Variants in SLC20A1 observed in about 807,000 individuals in gnomAD.
The protein encoded by SLC20A1 is solute carrier family 20 member 1.
SLC20A1 carries 28 observed loss-of-function variants against 62.7 expected under a neutral mutation model. That is an observed-to-expected ratio of 0.45 (90% confidence interval 0.33 to 0.61). The LOEUF (loss-of-function observed/expected upper bound fraction) is 0.61. Among genes scored for constraint, SLC20A1 ranks in the 20% least tolerant of loss-of-function variants. The pLI is 0.02. For synonymous variants in SLC20A1, 305 were observed against 302.9 expected (o/e 1.01, Z -0.07); for missense variants, 673 against 838.6 (o/e 0.80, Z 2.44).
chr2:112,663,709 A>G lies in SLC20A1; in HGVS notation c.*684A>G, dbSNP rs1379741177. 6.5e-6 allele frequency: 1 copy of G among 153,926 alleles called. No homozygotes were observed. The highest frequency in any genetic ancestry group is 1.4e-5 in the Non-Finnish European group (1 of 69,030). The allele number at this position is 153,926 out of a possible 1,614,324, so 9.5% of individuals were successfully genotyped here. A position where few individuals can be genotyped will look rare whatever the true frequency, so the allele number is the denominator to read the frequency against. Reference sequence around the variant, plus strand: ...TGGTTATTTCTTTAAGATTTCTGGCAGTGTGGGATGGATGAATGAAGTGGA... The same window carrying G: ...TGGTTATTTCTTTAAGATTTCTGGCGGTGTGGGATGGATGAATGAAGTGGA... On this transcript the variant is annotated 3_prime_UTR_variant, in exon 11 of 11. Coordinates refer to ENST00000272542, the MANE Select transcript of SLC20A1 (RefSeq NM_005415.5).
chr2:112,653,984 G>T (rs893359447), intron 5 of SLC20A1, among the ~76,000 whole-genome samples: 1 of 152,020 alleles, frequency 6.6e-6, no homozygotes, highest in Admixed American at 6.6e-5. Flanking sequence ...TAGAGACGGG[G>T]TTTCTCCATG....
At chr2:112,646,484 C>T (rs532610388) in intron 1 of SLC20A1, 79 bp from the exon 2 acceptor site, 9 of 152,780 alleles carry the variant, frequency 5.9e-5, no homozygotes, top group African/African-American at 2.2e-4. Context: ...TGCGGGACCC[C>T]GGGCGCGTGG....
rs1686792099 is a variant in SLC20A1 at position 112,662,979 on chromosome 2, G to A, written c.1994G>A (p.Ser665Asn). 2 of 1,614,174 alleles carry A rather than the reference G, an allele frequency of 1.2e-6. No individual in the cohort carries two copies. Among genetic ancestry groups the A allele is most frequent in the Non-Finnish European group, 1.7e-6 (2 of 1,180,026 alleles). ...FVTVPISGVI[S>N]AAIMAIFRYV... ...ACAGTCCCCATTTCTGGAGTTATCA[G>A]TGCTGCCATCATGGCAATCTTCAGA... Residue 665 changes from serine to asparagine, a missense_variant, in exon 11 of 11, where the codon AGT (serine) becomes AAT (asparagine). By Grantham distance (46) the Ser-to-Asn change is conservative. Coordinates refer to ENST00000272542, the MANE Select transcript of SLC20A1 (RefSeq NM_005415.5).
intron 4 of SLC20A1, among the ~76,000 whole-genome samples, chr2:112,650,718 G>A (rs56945907): frequency 1.7e-4 from 26 of 151,976 alleles, no homozygotes; most frequent in African/African-American, 6.0e-4. Context: ...TGACCTCCCA[G>A]GCTCAAGTGA....
At position 112,663,670 on chromosome 2, in the gene SLC20A1, C is replaced by G. The variant is rs1468051325; in HGVS notation, c.*645C>G. Reference sequence around the variant, plus strand: ...CTAAGAAGAAGTAAGAAAGAAAAAGCCTGTTGGCAATCTTGGTTATTTCTT... The same window carrying G: ...CTAAGAAGAAGTAAGAAAGAAAAAGGCTGTTGGCAATCTTGGTTATTTCTT... On this transcript the variant is annotated 3_prime_UTR_variant, in exon 11 of 11. Transcript: ENST00000272542. 1 of 153,952 alleles carries G rather than the reference C, an allele frequency of 6.5e-6. No homozygotes were observed. Among genetic ancestry groups the G allele is most frequent in the Non-Finnish European group, 1.4e-5 (1 of 69,068 alleles). The allele number at this position is 153,952 out of a possible 1,614,324, so 9.5% of individuals were successfully genotyped here.
chr2:112,646,864 C>T lies in SLC20A1; in HGVS notation c.36C>T (p.Thr12=), dbSNP rs768319678. ...TGATTACCAGTACTACAGCTGCTAC[C>T]GCCGCTTCTGGTCCTTTGGTGGACT... ...ATLITSTTAA[T]AASGPLVDYL... is the part of the protein sequence containing the mutation. Residue 12 remains threonine (T), a synonymous_variant, in exon 2 of 11, where the codon ACC becomes ACT. Transcript: ENST00000272542. The T allele has an allele frequency of 3.8e-5, 62 of 1,613,274 alleles. No homozygotes were observed. Among genetic ancestry groups the T allele is most frequent in the Non-Finnish European group, 5.2e-5 (61 of 1,179,448 alleles).
At position 112,652,775 on chromosome 2, in the gene SLC20A1, C is replaced by T; in HGVS notation, c.635C>T (p.Ser212Phe). ...YACTVGINLF[S>F]IMYTGAPLLG... ...TGCACAGTTGGAATAAACCTCTTTTCCATCATGTATACTGGAGCACCGTGT... is the reference window on the plus strand; with the variant it reads ...TGCACAGTTGGAATAAACCTCTTTTTCATCATGTATACTGGAGCACCGTGT... Residue 212 changes from serine to phenylalanine, a missense_variant, in exon 5 of 11, where the codon TCC becomes TTC. Physicochemically the swap from Ser to Phe is radical, Grantham distance 155. Transcript: ENST00000272542. 6 of 1,614,038 alleles carry T rather than the reference C, an allele frequency of 3.7e-6. No homozygotes were observed. The highest frequency in any genetic ancestry group is 5.1e-6 in the Non-Finnish European group (6 of 1,179,928).
chr2:112,658,981 T>G lies in SLC20A1; in HGVS notation c.935T>G (p.Val312Gly). The change falls in exon 7 of 11, where the codon GTG becomes GGG. Residue 312 changes from valine to glycine, a missense_variant. Val to Gly is a moderately radical substitution (Grantham distance 109). Transcript: ENST00000272542. ...GPATVPLQAVVEERTVSFKLG... is the reference protein window; with the variant it reads ...GPATVPLQAVGEERTVSFKLG... Reference sequence around the variant, plus strand: ...GCCACTGTGCCCCTCCAGGCTGTGGTGGAGGAGAGAACAGTCTCATTCAAA... The same window carrying G: ...GCCACTGTGCCCCTCCAGGCTGTGGGGGAGGAGAGAACAGTCTCATTCAAA... 6.2e-7 allele frequency: 1 copy of G among 1,614,100 alleles called. No individual in the cohort carries two copies. The highest frequency in any genetic ancestry group is 2.2e-5 in the East Asian group (1 of 44,884).
Position 112,652,743 on chromosome 2 carries a change from C to T in SLC20A1, c.603C>T (p.Phe201=). 1 of 1,614,162 alleles carries T rather than the reference C, an allele frequency of 6.2e-7. No individual in the cohort carries two copies. The highest frequency in any genetic ancestry group is 8.5e-7 in the Non-Finnish European group (1 of 1,180,018). The change falls in exon 5 of 11, where the codon TTC becomes TTT. Residue 201 remains phenylalanine, a synonymous_variant. Coordinates refer to ENST00000272542, the MANE Select transcript of SLC20A1 (RefSeq NM_005415.5). ...VPNGLRALPV[F]YACTVGINLF... is the part of the protein sequence containing the mutation. ...ATGGTTTGCGAGCTTTGCCAGTTTT[C>T]TATGCCTGCACAGTTGGAATAAACC...
intron 10 of SLC20A1, among the ~76,000 whole-genome samples, chr2:112,662,317 C>A (rs1047989619): frequency 6.6e-6 from 1 of 152,258 alleles, no homozygotes; most frequent in African/African-American, 2.4e-5. Flanking sequence ...TGCAGTGGCT[C>A]ATGCCTGTAA....
intron 4 of SLC20A1, among the ~76,000 whole-genome samples, chr2:112,651,511 C>G (rs1686434572): frequency 6.6e-6 from 1 of 151,980 alleles, no homozygotes; most frequent in Admixed American, 6.6e-5. Context: ...TCAAGTGATT[C>G]TCCTGAGTCA....
chr2:112,662,294 T>C (rs1686770378), intron 10 of SLC20A1, among the ~76,000 whole-genome samples: 1 of 152,116 alleles, frequency 6.6e-6, no homozygotes, highest in South Asian at 2.1e-4. Context: ...TTAAAAGCAG[T>C]GTATAGGCCA....
intron 10 of SLC20A1, among the ~76,000 whole-genome samples, chr2:112,661,989 C>G (rs933709115): frequency 6.6e-6 from 1 of 152,136 alleles, no homozygotes; most frequent in South Asian, 2.1e-4. Context: ...TCTAACAAGT[C>G]TGTGAGGCTT....
chr2:112,658,921 T>C lies in SLC20A1; in HGVS notation c.875T>C (p.Ile292Thr), dbSNP rs778859962. The change falls in exon 7 of 11, where the codon ATT (isoleucine) becomes ACT (threonine). Residue 292 changes from isoleucine (I) to threonine (T), a missense_variant. Ile to Thr is a moderately conservative substitution (Grantham distance 89, BLOSUM62 -1). Coordinates refer to ENST00000272542, the MANE Select transcript of SLC20A1 (RefSeq NM_005415.5). ...GAAACAAAGTTGTCTGTTGGTGATA[T>C]TGAAAACAAGCATCCTGTTTCTGAG... ...HEETKLSVGD[I>T]ENKHPVSEVG... 22 of 1,614,096 alleles carry C rather than the reference T, an allele frequency of 1.4e-5. No individual in the cohort carries two copies. Among genetic ancestry groups the C allele is most frequent in the African/African-American group, 2.7e-5 (2 of 74,938 alleles).
At chr2:112,661,591 T>C (rs1476356742) in intron 10 of SLC20A1, among the ~76,000 whole-genome samples, 2 of 152,094 alleles carry the variant, frequency 1.3e-5, no homozygotes, top group African/African-American at 4.8e-5. Flanking sequence ...CTGTGTCACC[T>C]GGGCTGGAGT....
chr2:112,655,506 TATA>T (rs1686559158), intron 5 of SLC20A1, among the ~76,000 whole-genome samples: 1 of 143,816 alleles, frequency 7.0e-6, no homozygotes, highest in Admixed American at 7.6e-5. Flanking sequence ...TACAGATCAT[TATA>T]ATATCTTTTA....
rs1424794575 is a variant in SLC20A1, at chr2:112,658,913, T to C, written c.867T>C (p.Val289=). ...KEDHEETKLS[V]GDIENKHPVS... is the part of the protein sequence containing the mutation. ...ACCATGAAGAAACAAAGTTGTCTGT[T>C]GGTGATATTGAAAACAAGCATCCTG... is the stretch of plus-strand genomic sequence containing the variant. The change falls in exon 7 of 11, where the codon GTT becomes GTC. Residue 289 remains valine (V), a synonymous_variant. Coordinates refer to ENST00000272542, the MANE Select transcript of SLC20A1 (RefSeq NM_005415.5). 2 of 1,614,126 alleles carry C rather than the reference T, an allele frequency of 1.2e-6. No homozygotes were observed. The highest frequency in any genetic ancestry group is 3.3e-5 in the Admixed American group (2 of 60,022).
At chr2:112,647,186 C>T (rs1167722357) in intron 2 of SLC20A1, 24 bp downstream of exon 2, 1 of 1,601,352 alleles carries the variant, frequency 6.2e-7, no homozygotes, top group East Asian at 2.2e-5. Flanking sequence ...ATGTTTTGTC[C>T]TCTTCGTGGT....
chr2:112,658,716 C>T, intron 6 of SLC20A1, 109 bp from the exon 7 acceptor site: 2 of 1,192,868 alleles, frequency 1.7e-6, no homozygotes, highest in Non-Finnish European at 1.2e-6. Context: ...TTGAAGTTCA[C>T]ATACATTCTT....
Sources: gnomAD v4.1 joint callset for allele counts (sites outside exome capture counted in the v4.1 genomes callset) on GRCh38, gnomAD v4.1.1 for gene constraint, MANE v1.5 for transcripts, NCBI Gene and HGNC (gene_info 2026-07-23, HGNC 2026-07-21) for gene names.